The following SLC1A2 variants were observed in gnomAD, a reference collection of about 807,000 sequenced individuals.
The protein encoded by SLC1A2 is solute carrier family 1 member 2.
SLC1A2 carries 15 observed loss-of-function variants against 48.8 expected under a neutral mutation model. That is an observed-to-expected ratio of 0.31 (90% confidence interval 0.21 to 0.47). The LOEUF (loss-of-function observed/expected upper bound fraction) is 0.47, where lower values mean the gene tolerates loss of function less well. SLC1A2 is among the 20% of genes least tolerant of loss of function. The pLI is 0.99. For missense variants in SLC1A2, 502 were observed against 730.5 expected (o/e 0.69, Z 3.61); for synonymous variants, 279 against 272.6 (o/e 1.02, Z -0.23).
At chr11:35,282,179 C>T (rs1195345580) in intron 8 of SLC1A2, among the ~76,000 whole-genome samples, 2 of 152,064 alleles carry the variant, frequency 1.3e-5, no homozygotes, top group Non-Finnish European at 2.9e-5. Context: ...TGGGTGTGAT[C>T]TACAGACCCC....
At chr11:35,318,579 G>A (rs1352514854) in intron 1 of SLC1A2, among the ~76,000 whole-genome samples, 3 of 152,174 alleles carry the variant, frequency 2.0e-5, no homozygotes, top group Non-Finnish European at 4.4e-5. Context: ...AACCAACACC[G>A]AGCTGCAGAC....
intron 1 of SLC1A2, among the ~76,000 whole-genome samples, chr11:35,373,243 C>T (rs1854116121): frequency 6.6e-6 from 1 of 152,240 alleles, no homozygotes; most frequent in Admixed American, 6.5e-5. Context: ...CTCCTGCTCA[C>T]TGTCCCTTCT....
At chr11:35,280,542 CTCCT>C in intron 9 of SLC1A2, 1 of 271,688 alleles carries the variant, frequency 3.7e-6, no homozygotes, top group Non-Finnish European at 6.8e-6. Context: ...ACAGTACATA[CTCCT>C]TTGTTTCTGG....
chr11:35,306,034 T>C (rs1387002647), intron 5 of SLC1A2, 40 bp downstream of exon 5: 1 of 1,593,368 alleles, frequency 6.3e-7, no homozygotes, highest in Non-Finnish European at 8.6e-7. Context: ...AGCCCAGCCA[T>C]TGCCAGGGAA....
chr11:35,420,058 T>C (rs1855739930), upstream of SLC1A2: 2 of 343,094 alleles, frequency 5.8e-6, no homozygotes, highest in Non-Finnish European at 1.3e-5. Flanking sequence ...AATAAATCTC[T>C]GGCCTTCAAT....
intron 1 of SLC1A2, among the ~76,000 whole-genome samples, chr11:35,328,061 A>G (rs1356365728): frequency 6.6e-6 from 1 of 152,206 alleles, no homozygotes; most frequent in African/African-American, 2.4e-5. Flanking sequence ...GAGAAAAGGC[A>G]AAGTGAGCTC....
intron 1 of SLC1A2, among the ~76,000 whole-genome samples, chr11:35,385,362 A>C (rs569939362): frequency 9.2e-5 from 14 of 152,212 alleles, no homozygotes; most frequent in Non-Finnish European, 1.9e-4. Context: ...GGGAAATATT[A>C]TCTCCCTTTT....
intron 1 of SLC1A2, chr11:35,322,770 G>T (rs2134938185): frequency 1.3e-6 from 1 of 775,004 alleles, no homozygotes; most frequent in South Asian, 1.5e-5. Flanking sequence ...AATACCTGTT[G>T]CATCAGCTCG....
At chr11:35,314,789 T>TC (rs1257954049) in intron 3 of SLC1A2, among the ~76,000 whole-genome samples, 19 of 151,016 alleles carry the variant, frequency 1.3e-4, no homozygotes, top group Admixed American at 3.3e-4. Flanking sequence ...TCTTTTCTTT[T>TC]TTTTTTTTTC....
chr11:35,336,740 A>G (rs16927361), intron 1 of SLC1A2, among the ~76,000 whole-genome samples: 1,782 of 152,336 alleles, frequency 0.012, 36 homozygotes, highest in African/African-American at 0.041. Flanking sequence ...TAGGCAGCCA[A>G]TTCAAATACT....
At chr11:35,341,643 T>C (rs1026633900) in intron 1 of SLC1A2, among the ~76,000 whole-genome samples, 3 of 152,236 alleles carry the variant, frequency 2.0e-5, no homozygotes, top group Non-Finnish European at 2.9e-5. Flanking sequence ...ACATCTGTGA[T>C]TGCCAAGGAC....
intron 9 of SLC1A2, among the ~76,000 whole-genome samples, chr11:35,276,682 AAGGACC>A (rs1409488135): frequency 2.2e-4 from 33 of 152,326 alleles, no homozygotes; most frequent in African/African-American, 7.2e-4. Context: ...AGTGACTGCC[AAGGACC>A]AGGACCTACA....
chr11:35,399,575 C>A (rs1488365742), intron 1 of SLC1A2: 1 of 982,110 alleles, frequency 1.0e-6, no homozygotes, highest in African/African-American at 1.7e-5. Flanking sequence ...AGAATCAAAC[C>A]TGGTAATCAT....
At position 35,286,948 on chromosome 11, in the gene SLC1A2, A is replaced by G; in HGVS notation, c.1095T>C (p.Ala365=). 3 of 1,613,584 alleles carry G rather than the reference A, an allele frequency of 1.9e-6. No individual in the cohort carries two copies. The highest frequency in any genetic ancestry group is 2.5e-6 in the Non-Finnish European group (3 of 1,179,530). Residue 365 remains alanine (A), a synonymous_variant, in exon 8 of 11, where the codon GCT becomes GCC. Transcript: ENST00000278379. ...AACGAAAGGTGACAGGCAAAGTTCC[A>G]GCACTGAGAACAAAGAGAAAGAGAG... The part of the protein sequence containing the change: ...WITALGTASS[A]GTLPVTFRCL...
At chr11:35,342,562 T>G (rs1852878868) in intron 1 of SLC1A2, among the ~76,000 whole-genome samples, 1 of 151,426 alleles carries the variant, frequency 6.6e-6, no homozygotes, top group African/African-American at 2.4e-5. Context: ...TTTTTTTGCC[T>G]TGGTTCAAAA....
chr11:35,330,537 A>G (rs1852393758), intron 1 of SLC1A2, among the ~76,000 whole-genome samples: 1 of 152,222 alleles, frequency 6.6e-6, no homozygotes. Flanking sequence ...TGGATGTGTC[A>G]GATTACATGG....
intron 1 of SLC1A2, among the ~76,000 whole-genome samples, chr11:35,331,186 C>T (rs566939950): frequency 6.6e-6 from 1 of 152,206 alleles, no homozygotes; most frequent in African/African-American, 2.4e-5. Flanking sequence ...TCCTCCCTTC[C>T]TCACTTCCTC....
intron 1 of SLC1A2, among the ~76,000 whole-genome samples, chr11:35,347,370 C>T (rs1853077493): frequency 6.6e-6 from 1 of 152,166 alleles, no homozygotes; most frequent in Admixed American, 6.5e-5. Flanking sequence ...ACCCCTGCTC[C>T]CCACTTCCAG....
intron 4 of SLC1A2, among the ~76,000 whole-genome samples, chr11:35,309,359 G>A (rs866542995): frequency 5.9e-5 from 9 of 152,180 alleles, no homozygotes; most frequent in African/African-American, 9.7e-5. Flanking sequence ...AGTATTGGCC[G>A]AGTGAACATA....
Sources: allele counts gnomAD v4.1 joint callset (sites outside exome capture counted in the v4.1 genomes callset), GRCh38; gene constraint gnomAD v4.1.1; transcripts MANE v1.5; gene names NCBI Gene and HGNC (gene_info 2026-07-23, HGNC 2026-07-21).